RAB27A: variants seen among roughly 807,000 people sequenced by gnomAD.
RAB27A encodes the protein RAB27A, member RAS oncogene family, also known as ras-related protein Rab-27A.
Under a neutral mutation model 20.8 loss-of-function variants are expected in RAB27A, and 17 were observed. That is an observed-to-expected ratio of 0.82 (90% CI 0.56 to 1.23). RAB27A has a LOEUF of 1.23. Ranked by LOEUF, RAB27A falls within the 50% of genes most tolerant of loss-of-function variation. The probability of loss-of-function intolerance (pLI) is 0.00; values close to 1 mark genes in which losing one functional copy is unlikely to be tolerated. For missense variants in RAB27A, 277 were observed against 266.7 expected, an observed-to-expected ratio of 1.04 and a Z score of -0.27; for synonymous variants, 85 against 92.8, an observed-to-expected ratio of 0.92 and a Z score of 0.48.
chr15:55,237,811 GA>G (rs143395488), intron 2 of RAB27A, among the ~76,000 whole-genome samples: 2 of 151,460 alleles, frequency 1.3e-5, no homozygotes, highest in Non-Finnish European at 2.9e-5. Context: ...TTTTTAATTT[GA>G]AAAAAAAGTT....
intron 2 of RAB27A, among the ~76,000 whole-genome samples, chr15:55,310,651 CT>C (rs921044715): frequency 6.6e-5 from 10 of 152,112 alleles, no homozygotes; most frequent in African/African-American, 2.2e-4. Context: ...AAGCAATGGC[CT>C]TTTTTTAAAT....
chr15:55,232,276 G>T (rs1896058539), intron 3 of RAB27A, among the ~76,000 whole-genome samples: 1 of 152,146 alleles, frequency 6.6e-6, no homozygotes, highest in African/African-American at 2.4e-5. Flanking sequence ...AAAGAATACA[G>T]ATTTTGCAGA....
intron 6 of RAB27A, among the ~76,000 whole-genome samples, chr15:55,214,296 C>G (rs1036763214): frequency 1.6e-4 from 24 of 152,170 alleles, no homozygotes; most frequent in African/African-American, 5.6e-4. Flanking sequence ...ATTAGCCAGG[C>G]ATGGTGGTGG....
chr15:55,222,436 C>A (rs1164241102), intron 6 of RAB27A, among the ~76,000 whole-genome samples: 2 of 152,160 alleles, frequency 1.3e-5, no homozygotes, highest in African/African-American at 2.4e-5. Flanking sequence ...ATCTATCAAT[C>A]TCTAGTCTTT....
intron 1 of RAB27A, among the ~76,000 whole-genome samples, chr15:55,315,919 T>C (rs1258718460): frequency 6.6e-6 from 1 of 152,084 alleles, no homozygotes; most frequent in Non-Finnish European, 1.5e-5. Flanking sequence ...ACCCAAAGGA[T>C]TACAAATCAT....
rs770442896 is a variant in RAB27A, at chr15:55,209,902, ATGTG to A, written c.468-4201_468-4198del. On this transcript the variant is annotated intron_variant, in intron 6 of 6. Coordinates refer to ENST00000336787, the MANE Select transcript of RAB27A (RefSeq NM_183235.3). The stretch of plus-strand genomic sequence containing the variant: ...TGTGTGTGTATACATATATACACAT[ATGTG>A]TGTGTATGTATATACACACATATAT... Among the ~76,000 whole-genome samples, 61 of 119,712 alleles carry A rather than the reference ATGTG, an allele frequency of 5.1e-4. 9 individuals are homozygous for A. Among genetic ancestry groups the A allele is most frequent in the East Asian group, 1.5e-3 (7 of 4,574 alleles). The allele number at this position is 119,712 out of a possible 152,430, so 78.5% of individuals were successfully genotyped here. A position where few individuals can be genotyped will look rare whatever the true frequency, so the allele number is the denominator to read the frequency against.
At chr15:55,315,066 C>T (rs551135627) in intron 1 of RAB27A, among the ~76,000 whole-genome samples, 2 of 152,062 alleles carry the variant, frequency 1.3e-5, no homozygotes. Context: ...AAAACAGAGA[C>T]ATAGACAAAT....
At chr15:55,298,409 ACC>A (rs1336837121) in intron 2 of RAB27A, among the ~76,000 whole-genome samples, 1 of 152,008 alleles carries the variant, frequency 6.6e-6, no homozygotes, top group Non-Finnish European at 1.5e-5. Context: ...AGCTGCAAAA[ACC>A]ACCAAGTTTT....
intron 1 of RAB27A, among the ~76,000 whole-genome samples, chr15:55,274,822 A>ATATATATATATG (rs1555399473): frequency 1.4e-5 from 2 of 139,024 alleles, no homozygotes; most frequent in African/African-American, 5.2e-5. Flanking sequence ...ATATATATAT[A>ATATATATATATG]TATGTATAGA....
At chr15:55,274,793 ATT>A (rs1491446406) in intron 1 of RAB27A, among the ~76,000 whole-genome samples, 3 of 8,790 alleles carry the variant, frequency 3.4e-4, no homozygotes, top group East Asian at 2.4e-3. Flanking sequence ...AAATAAATAA[ATT>A]ATATATATAT....
chr15:55,299,818 T>A (rs934430919), intron 2 of RAB27A, among the ~76,000 whole-genome samples: 3 of 151,182 alleles, frequency 2.0e-5, no homozygotes, highest in African/African-American at 7.3e-5. Flanking sequence ...CCTAATTTCT[T>A]TTTTTTTCTT....
At chr15:55,292,548 T>G (rs2054927822), upstream of RAB27A, among the ~76,000 whole-genome samples, 1 of 152,144 alleles carries the variant, frequency 6.6e-6, no homozygotes, top group African/African-American at 2.4e-5. Context: ...AGGACTGGGA[T>G]GTAGGGGTGT....
intron 2 of RAB27A, among the ~76,000 whole-genome samples, chr15:55,243,546 C>A (rs1001072477): frequency 5.3e-5 from 8 of 151,518 alleles, no homozygotes; most frequent in African/African-American, 1.9e-4. Context: ...ATCCCAGCTT[C>A]TTGGGAGGCT....
intron 1 of RAB27A, among the ~76,000 whole-genome samples, chr15:55,277,332 C>A (rs1227218934): frequency 6.6e-6 from 1 of 152,148 alleles, no homozygotes; most frequent in African/African-American, 2.4e-5. Context: ...CCTTGTAAAA[C>A]AACGTCCACG....
At chr15:55,281,697 A>C (rs74435902) in intron 1 of RAB27A, among the ~76,000 whole-genome samples, 8,376 of 151,582 alleles carry the variant, frequency 0.055, 290 homozygotes, top group East Asian at 0.15. Flanking sequence ...AAGGGAAGGA[A>C]GAAGAGAAAG....
chr15:55,233,110 G>A (rs1896100445), intron 3 of RAB27A, among the ~76,000 whole-genome samples: 2 of 152,026 alleles, frequency 1.3e-5, no homozygotes, highest in Non-Finnish European at 2.9e-5. Context: ...GAGCAACAGA[G>A]AGAGACCCTG....
chr15:55,260,283 A>T (rs1406286196), intron 2 of RAB27A, among the ~76,000 whole-genome samples: 1 of 152,194 alleles, frequency 6.6e-6, no homozygotes, highest in Non-Finnish European at 1.5e-5. Flanking sequence ...AACACTGACA[A>T]CATCAAATGC....
intron 2 of RAB27A, among the ~76,000 whole-genome samples, chr15:55,301,254 G>A (rs13379811): frequency 5.9e-5 from 9 of 152,034 alleles, no homozygotes; most frequent in African/African-American, 1.9e-4. Context: ...TACCACGCTC[G>A]GCTAATTTTT....
intron 1 of RAB27A, chr15:55,317,144 T>C (rs936719692): frequency 6.6e-6 from 1 of 152,184 alleles, no homozygotes; most frequent in African/African-American, 2.4e-5. Context: ...TAAAAAGACA[T>C]AAAATGACAA....
Sources: allele counts gnomAD v4.1 joint callset (sites outside exome capture counted in the v4.1 genomes callset), GRCh38; gene constraint gnomAD v4.1.1; transcripts MANE v1.5; gene names NCBI Gene and HGNC (gene_info 2026-07-23, HGNC 2026-07-21).